VTI1A: variants seen among roughly 807,000 people sequenced by gnomAD.
VTI1A encodes the protein vesicle transport through interaction with t-SNAREs 1A, also known as vesicle transport through interaction with t-SNAREs homolog 1A.
Under a neutral mutation model 34.9 loss-of-function variants are expected in VTI1A, and 22 were observed. The ratio of observed to expected loss-of-function variants is 0.63; its 90% CI spans 0.45 to 0.90. The LOEUF is 0.90. Among genes scored for constraint, VTI1A ranks in the 40% least tolerant of loss-of-function variants. The probability of loss-of-function intolerance (pLI) is 0.00; values close to 1 mark genes in which losing one functional copy is unlikely to be tolerated. For missense variants in VTI1A, 268 were observed against 275.6 expected (o/e 0.97, Z 0.20); for synonymous variants, 87 against 97.3 (o/e 0.89, Z 0.62).
intron 7 of VTI1A, among the ~76,000 whole-genome samples, chr10:112,748,361 A>T (rs1047673607): frequency 6.6e-6 from 1 of 152,086 alleles, no homozygotes; most frequent in Non-Finnish European, 1.5e-5. Flanking sequence ...GTAGAACACT[A>T]AAAAAGCTAT....
intron 7 of VTI1A, among the ~76,000 whole-genome samples, chr10:112,748,620 C>CTTTTTTT (rs561301572): frequency 3.5e-4 from 37 of 104,922 alleles, no homozygotes; most frequent in African/African-American, 8.7e-4. Context: ...ATTTAGAAAC[C>CTTTTTTT]TTTTTTTTTT....
intron 5 of VTI1A, among the ~76,000 whole-genome samples, chr10:112,597,138 C>A (rs574737376): frequency 1.4e-4 from 22 of 152,140 alleles, no homozygotes; most frequent in Non-Finnish European, 2.6e-4. Context: ...TCAAACAGAT[C>A]TGGGGAGAGA....
chr10:112,501,997 C>CTCTGCCCA (rs1413455151), intron 3 of VTI1A, among the ~76,000 whole-genome samples: 1 of 150,026 alleles, frequency 6.7e-6, no homozygotes, highest in African/African-American at 2.5e-5. Flanking sequence ...CAAAATATCT[C>CTCTGCCCA]TCTGCCCATG....
intron 3 of VTI1A, among the ~76,000 whole-genome samples, chr10:112,501,544 T>C (rs932402575): frequency 6.6e-6 from 1 of 152,182 alleles, no homozygotes; most frequent in Non-Finnish European, 1.5e-5. Context: ...ATCAACATTT[T>C]ACCTACTTTG....
chr10:112,705,530 C>T (rs954515620), intron 7 of VTI1A, among the ~76,000 whole-genome samples: 2 of 152,176 alleles, frequency 1.3e-5, no homozygotes, highest in African/African-American at 4.8e-5. Flanking sequence ...CCGACACACA[C>T]ACATTTCTGG....
chr10:112,536,507 T>G (rs1305465680), intron 4 of VTI1A, among the ~76,000 whole-genome samples: 1 of 152,194 alleles, frequency 6.6e-6, no homozygotes, highest in East Asian at 1.9e-4. Flanking sequence ...TTCTCTTCTT[T>G]TTCTTAATTA....
At chr10:112,479,389 T>G (rs1034981007) in intron 3 of VTI1A, among the ~76,000 whole-genome samples, 5 of 152,150 alleles carry the variant, frequency 3.3e-5, no homozygotes, top group Admixed American at 3.3e-4. Context: ...CCCCAACCCC[T>G]GCTTCTGCCG....
intron 7 of VTI1A, among the ~76,000 whole-genome samples, chr10:112,670,029 C>T (rs898886573): frequency 1.3e-5 from 2 of 152,050 alleles, no homozygotes; most frequent in African/African-American, 2.4e-5. Context: ...TCCTTGAACC[C>T]GACTCCCAAC....
chr10:112,668,605 C>T (rs2859885), intron 6 of VTI1A, among the ~76,000 whole-genome samples: 31,747 of 151,992 alleles, frequency 0.21, 3,642 homozygotes, highest in East Asian at 0.43. Context: ...TTCCTCACTT[C>T]ATTTTATTTT....
intron 7 of VTI1A, among the ~76,000 whole-genome samples, chr10:112,731,587 A>G (rs1412842086): frequency 6.6e-6 from 1 of 152,090 alleles, no homozygotes; most frequent in Admixed American, 6.6e-5. Flanking sequence ...AAAAAAAAAA[A>G]AAAACTGCAT....
intron 5 of VTI1A, among the ~76,000 whole-genome samples, chr10:112,647,548 T>C (rs1437875887): frequency 6.6e-6 from 1 of 152,194 alleles, no homozygotes; most frequent in Non-Finnish European, 1.5e-5. Flanking sequence ...TTTTTGAATG[T>C]TGCTTTCCGT....
chr10:112,618,522 T>TAGAGAGAGAGAGAGAG (rs1350356577), intron 5 of VTI1A, among the ~76,000 whole-genome samples: 126 of 43,646 alleles, frequency 2.9e-3, no homozygotes, highest in African/African-American at 4.3e-3. Flanking sequence ...TATATATATA[T>TAGAGAGAGAGAGAGAG]ATAGAGAGAG....
At chr10:112,821,138 G>A (rs924609080), downstream of VTI1A, among the ~76,000 whole-genome samples, 1 of 152,202 alleles carries the variant, frequency 6.6e-6, no homozygotes, top group Non-Finnish European at 1.5e-5. Context: ...CCAGGAAGCA[G>A]AGCTCTGGAC....
rs36018402 is a variant in VTI1A, at chr10:112,810,954, GA to G, written c.561-4326del. ...CAAGAGGCAAAAACCTGTTCTTCAAGAAAAAAAAAATCTTATCAGTCTTCAT... is the reference window on the plus strand; with the variant it reads ...CAAGAGGCAAAAACCTGTTCTTCAAGAAAAAAAAATCTTATCAGTCTTCAT... On this transcript the variant is annotated intron_variant, in intron 7 of 7. Coordinates refer to ENST00000393077, the MANE Select transcript of VTI1A (RefSeq NM_145206.4). Among the ~76,000 whole-genome samples, 66 of 151,208 alleles carry G rather than the reference GA, an allele frequency of 4.4e-4. 1 individual carries two copies. Among genetic ancestry groups the G allele is most frequent in the Non-Finnish European group, 1.0e-4 (7 of 67,738 alleles).
intron 5 of VTI1A, among the ~76,000 whole-genome samples, chr10:112,563,346 G>T (rs1238357434): frequency 5.9e-5 from 9 of 152,276 alleles, no homozygotes; most frequent in Admixed American, 2.0e-4. Context: ...TCAACTTGCA[G>T]ACCACCTTCA....
intron 7 of VTI1A, among the ~76,000 whole-genome samples, chr10:112,782,614 G>A (rs1321717808): frequency 6.6e-6 from 1 of 152,206 alleles, no homozygotes; most frequent in Non-Finnish European, 1.5e-5. Flanking sequence ...TCGAGCTGGT[G>A]CCCTAGCCAG....
chr10:112,651,335 A>C (rs977709309), intron 5 of VTI1A, among the ~76,000 whole-genome samples: 12 of 152,064 alleles, frequency 7.9e-5, no homozygotes, highest in African/African-American at 2.9e-4. Flanking sequence ...TTTGAGATGG[A>C]GTTTCACTGT....
At chr10:112,633,050 G>A (rs1846196798) in intron 5 of VTI1A, among the ~76,000 whole-genome samples, 1 of 152,152 alleles carries the variant, frequency 6.6e-6, no homozygotes, top group African/African-American at 2.4e-5. Flanking sequence ...GGCTGGGCGT[G>A]GTGGCTCATG....
At chr10:112,837,283 C>T in the VTI1A span, among the ~76,000 whole-genome samples, 2,710 of 152,050 alleles carry the variant, frequency 0.018, 36 homozygotes, top group East Asian at 0.06. Context: ...GCCAAGATTG[C>T]GCCACTGCAC....
Sources: allele counts gnomAD v4.1 joint callset (sites outside exome capture counted in the v4.1 genomes callset), GRCh38; gene constraint gnomAD v4.1.1; transcripts MANE v1.5; gene names NCBI Gene and HGNC (gene_info 2026-07-23, HGNC 2026-07-21).